The following SH3KBP1 variants were observed in gnomAD, a reference collection of about 807,000 sequenced individuals.
SH3KBP1 encodes the protein SH3 domain containing kinase binding protein 1.
A neutral mutation model predicts 50.1 loss-of-function variants in SH3KBP1; 8 were observed. The ratio of observed to expected loss-of-function variants is 0.16; its 90% CI spans 0.09 to 0.29. The LOEUF is 0.29. Ranked by LOEUF, SH3KBP1 falls within the 10% of genes least tolerant of loss-of-function variation. SH3KBP1 has a pLI of 1.00. For synonymous variants in SH3KBP1, 227 were observed against 218.6 expected (o/e 1.04, Z -0.34); for missense variants, 377 against 535.2 (o/e 0.70, Z 2.92).
intron 8 of SH3KBP1, among the ~76,000 whole-genome samples, chrX:19,611,440 G>A (rs939152329): frequency 3.6e-5 from 4 of 111,178 alleles, no homozygotes; most frequent in African/African-American, 6.6e-5. Context: ...TGCAACCTCC[G>A]CCTCCCTGGT....
At chrX:19,854,508 T>TA (rs1288503783) in intron 1 of SH3KBP1, among the ~76,000 whole-genome samples, 1 of 112,110 alleles carries the variant, frequency 8.9e-6, no homozygotes. Flanking sequence ...ACATGTATGT[T>TA]AACATCCCCT....
chrX:19,642,393 G>C (rs1316198544), intron 7 of SH3KBP1, among the ~76,000 whole-genome samples: 1 of 111,727 alleles, frequency 9.0e-6, no homozygotes, highest in Non-Finnish European at 1.9e-5. Context: ...AATGAACAAA[G>C]GGATTGCAAA....
intron 3 of SH3KBP1, among the ~76,000 whole-genome samples, chrX:19,711,181 T>G (rs750222986): frequency 9.0e-6 from 1 of 111,467 alleles, no homozygotes; most frequent in African/African-American, 3.3e-5. Flanking sequence ...GGTCTTGAGA[T>G]CACAGAAGGG....
chrX:19,600,323 G>A (rs1046369020), intron 9 of SH3KBP1, among the ~76,000 whole-genome samples: 5 of 110,884 alleles, frequency 4.5e-5, no homozygotes, highest in African/African-American at 9.8e-5. Flanking sequence ...GGCAGAGGCT[G>A]CAGTGAGCTG....
At chrX:19,614,284 C>A (rs189504286) in intron 8 of SH3KBP1, among the ~76,000 whole-genome samples, 1 of 112,889 alleles carries the variant, frequency 8.9e-6, no homozygotes, top group Admixed American at 9.3e-5. Flanking sequence ...CAGCTGAGAG[C>A]GACTCCCTGA....
intron 2 of SH3KBP1, among the ~76,000 whole-genome samples, chrX:19,798,932 AAAGT>A (rs2066806562): frequency 8.9e-6 from 1 of 112,216 alleles, no homozygotes; most frequent in Admixed American, 9.4e-5. Context: ...TCAGATGAGA[AAAGT>A]AAGACTTGGA....
At chrX:19,833,268 C>A (rs2067960161) in intron 2 of SH3KBP1, among the ~76,000 whole-genome samples, 1 of 101,569 alleles carries the variant, frequency 9.8e-6, no homozygotes. Flanking sequence ...TCCCAGGGTC[C>A]CCCTACCTCT....
At chrX:19,717,819 G>A (rs1031421939) in intron 3 of SH3KBP1, among the ~76,000 whole-genome samples, 1 of 111,518 alleles carries the variant, frequency 9.0e-6, no homozygotes, top group Non-Finnish European at 1.9e-5. Flanking sequence ...TTACTAAACC[G>A]TAGAGCAGGG....
chrX:19,794,528 C>T (rs2066650720), intron 2 of SH3KBP1, among the ~76,000 whole-genome samples: 1 of 110,540 alleles, frequency 9.0e-6, no homozygotes, highest in Admixed American at 9.6e-5. Context: ...ATGGTGAAAC[C>T]CCGTCTCTAC....
intron 1 of SH3KBP1, among the ~76,000 whole-genome samples, chrX:19,866,069 C>A (rs1229182579): frequency 9.0e-6 from 1 of 111,697 alleles, no homozygotes; most frequent in African/African-American, 3.3e-5. Context: ...GAAAAACATC[C>A]CGCATTGCAG....
intron 3 of SH3KBP1, among the ~76,000 whole-genome samples, chrX:19,726,830 T>C (rs1394379805): frequency 8.9e-6 from 1 of 112,412 alleles, no homozygotes; most frequent in East Asian, 2.8e-4. Flanking sequence ...CAGAAGTTTC[T>C]AGAAACATTG....
chrX:19,686,555 G>C (rs993383116), intron 5 of SH3KBP1, among the ~76,000 whole-genome samples: 5 of 111,184 alleles, frequency 4.5e-5, no homozygotes, highest in African/African-American at 6.6e-5. Flanking sequence ...ACATGTGGCT[G>C]GTGGTGGAGT....
At chrX:19,735,137 TAA>T (rs1338041897) in intron 3 of SH3KBP1, among the ~76,000 whole-genome samples, 1 of 112,100 alleles carries the variant, frequency 8.9e-6, no homozygotes, top group Non-Finnish European at 1.9e-5. Context: ...TAATTTCTCT[TAA>T]GATTGGTAGT....
intron 1 of SH3KBP1, among the ~76,000 whole-genome samples, chrX:19,866,735 G>A (rs1430430717): frequency 9.1e-5 from 10 of 109,876 alleles, no homozygotes; most frequent in Non-Finnish European, 1.7e-4. Context: ...TTCTGTTAAC[G>A]GCTAATCAAA....
In SH3KBP1 at chrX:19,885,605, G is replaced by A. The variant is rs150189969; in HGVS notation, c.4+1702C>T. Among the ~76,000 whole-genome samples, 51 of 110,321 alleles carry A rather than the reference G, an allele frequency of 4.6e-4. 1 individual carries two copies. The East Asian group carries it at 0.014, about 31-fold the overall frequency. ...TGAGACTCAGTCCCCTTCTCATTGA[G>A]ATACAGAAAGCACAGTCTGGCCATG... On this transcript the variant is annotated intron_variant, in intron 1 of 17. Coordinates refer to ENST00000397821, the MANE Select transcript of SH3KBP1 (RefSeq NM_031892.3).
chrX:19,666,205 A>G (rs2062594000), intron 6 of SH3KBP1, among the ~76,000 whole-genome samples: 1 of 111,076 alleles, frequency 9.0e-6, no homozygotes. Flanking sequence ...AAAATCAATC[A>G]CAAAACTAGC....
chrX:19,585,019 A>G (rs1180388376), intron 12 of SH3KBP1, among the ~76,000 whole-genome samples: 1 of 112,197 alleles, frequency 8.9e-6, no homozygotes, highest in Non-Finnish European at 1.9e-5. Flanking sequence ...TCCTACCTCC[A>G]CTAACTTGGC....
intron 2 of SH3KBP1, among the ~76,000 whole-genome samples, chrX:19,810,301 A>C (rs189448144): frequency 5.3e-5 from 6 of 112,757 alleles, no homozygotes; most frequent in African/African-American, 1.9e-4. Context: ...CGTTCCATTT[A>C]AAAGGGAAAA....
At chrX:19,599,817 A>T (rs1053826736) in intron 9 of SH3KBP1, among the ~76,000 whole-genome samples, 2 of 111,656 alleles carry the variant, frequency 1.8e-5, no homozygotes, top group Non-Finnish European at 3.8e-5. Context: ...AAAATGATTC[A>T]TAAAGTATTG....
Sources: allele counts gnomAD v4.1 joint callset (sites outside exome capture counted in the v4.1 genomes callset), GRCh38; gene constraint gnomAD v4.1.1; transcripts MANE v1.5; gene names NCBI Gene and HGNC (gene_info 2026-07-23, HGNC 2026-07-21).